ABCC9: variants seen among roughly 807,000 people sequenced by gnomAD.
ABCC9 encodes the protein ATP binding cassette subfamily C member 9, also known as ATP-binding cassette sub-family C member 9.
Under a neutral mutation model 188.3 loss-of-function variants are expected in ABCC9, and 95 were observed. The observed-to-expected ratio is 0.50, with a 90% CI of 0.43 to 0.60. The LOEUF is 0.60. Among genes scored for constraint, ABCC9 ranks in the 20% least tolerant of loss-of-function variants. The probability of loss-of-function intolerance (pLI) is 0.00; values close to 1 mark genes in which losing one functional copy is unlikely to be tolerated. For missense variants in ABCC9, 1,102 were observed against 1,876.3 expected (o/e 0.59, Z 7.62); for synonymous variants, 659 against 652.7 (o/e 1.01, Z -0.15).
intron 8 of ABCC9, 106 bp from the exon 9 acceptor site, chr12:21,911,084 C>G: frequency 5.4e-6 from 6 of 1,105,292 alleles, no homozygotes; most frequent in Non-Finnish European, 7.9e-6. Flanking sequence ...TACAAAAATT[C>G]AATGTATTTA....
intron 37 of ABCC9, 29 bp from the exon 38 acceptor site, chr12:21,807,508 A>T (rs1005698399): frequency 1.9e-6 from 3 of 1,613,544 alleles, no homozygotes; most frequent in Non-Finnish European, 2.5e-6. Context: ...CAAGGATTTC[A>T]CTAAAGAAAT....
chr12:21,844,602 C>A (rs200074647), intron 27 of ABCC9, 50 bp from the exon 28 acceptor site: 1 of 1,584,702 alleles, frequency 6.3e-7, no homozygotes, highest in East Asian at 2.2e-5. Flanking sequence ...CTATTTGGAA[C>A]CTGGGCATTG....
At chr12:21,828,833 A>G in intron 31 of ABCC9, 125 bp downstream of exon 31, 4 of 799,892 alleles carry the variant, frequency 5.0e-6, no homozygotes. Flanking sequence ...AGCTATTTTA[A>G]AGTCCAGAAA....
intron 30 of ABCC9, among the ~76,000 whole-genome samples, chr12:21,829,422 C>G (rs767508960): frequency 1.3e-5 from 2 of 151,944 alleles, no homozygotes; most frequent in African/African-American, 2.4e-5. Flanking sequence ...AGGATGGTCT[C>G]GATCTCCTGA....
chr12:21,899,679 G>A (rs980393554), intron 12 of ABCC9, among the ~76,000 whole-genome samples: 4 of 152,130 alleles, frequency 2.6e-5, no homozygotes, highest in Non-Finnish European at 2.9e-5. Context: ...CGCCTGGCTC[G>A]GAGGGTCCCA....
chr12:21,866,517 G>T (rs572559542), intron 18 of ABCC9, among the ~76,000 whole-genome samples: 1 of 152,092 alleles, frequency 6.6e-6, no homozygotes, highest in African/African-American at 2.4e-5. Flanking sequence ...ACTTCCTCTT[G>T]GTTTCCCCTG....
chr12:21,885,953 C>T (rs1006132896), intron 15 of ABCC9, among the ~76,000 whole-genome samples: 2 of 151,998 alleles, frequency 1.3e-5, no homozygotes, highest in African/African-American at 4.8e-5. Context: ...AGTCAGGAGA[C>T]TGATTGTGTT....
At chr12:21,903,854 C>T (rs1227150769) in intron 12 of ABCC9, among the ~76,000 whole-genome samples, 2 of 152,180 alleles carry the variant, frequency 1.3e-5, no homozygotes, top group East Asian at 3.8e-4. Flanking sequence ...GGGCATACTG[C>T]CCAAGGTAAT....
chr12:21,848,358 T>C, intron 24 of ABCC9, 112 bp from the exon 25 acceptor site: 1 of 907,744 alleles, frequency 1.1e-6, no homozygotes, highest in South Asian at 1.4e-5. Flanking sequence ...TCTCAAGCGC[T>C]CTGTGCTCAC....
intron 16 of ABCC9, 30 bp from the exon 17 acceptor site, chr12:21,875,756 A>G (rs373461625): frequency 2.6e-6 from 4 of 1,509,924 alleles, no homozygotes; most frequent in Non-Finnish European, 2.8e-6. Context: ...AAATTAAATT[A>G]TATGTGTGGT....
intron 3 of ABCC9, among the ~76,000 whole-genome samples, chr12:21,934,488 G>C (rs890793403): frequency 2.0e-5 from 3 of 152,018 alleles, no homozygotes; most frequent in African/African-American, 7.2e-5. Context: ...TTGATGATGA[G>C]CTTTTAAGCA....
At chr12:21,929,317 C>A (rs1174755549) in intron 4 of ABCC9, among the ~76,000 whole-genome samples, 1 of 151,234 alleles carries the variant, frequency 6.6e-6, no homozygotes, top group Admixed American at 6.6e-5. Context: ...AATAATAAAC[C>A]AATCAAATTA....
rs550364029 is a variant in ABCC9, at chr12:21,797,452, A to G, written c.*3592T>C. 1.3e-5 allele frequency: 2 copies of G among 152,244 alleles called. No homozygotes were observed. The highest frequency in any genetic ancestry group is 1.9e-4 in the East Asian group (1 of 5,200). The allele number at this position is 152,244 out of a possible 1,614,324, so 9.4% of individuals were successfully genotyped here. ...AGTCCAATATGTTTTTATATATTGT[A>G]GAGAATAAACACATTTATTGTAGAG... On this transcript the variant is annotated 3_prime_UTR_variant, in exon 40 of 40. Transcript: ENST00000261200.
rs113562970 is a variant in ABCC9, at chr12:21,913,031, A to T, written c.852T>A (p.Ser284=). 45 of 1,607,814 alleles carry T rather than the reference A, an allele frequency of 2.8e-5. No homozygotes were observed. In the African/African-American group the frequency reaches 4.8e-4, roughly 17 times the overall value. The change falls in exon 8 of 40, where the codon TCT becomes TCA. Residue 284 remains serine (S), a synonymous_variant. Transcript: ENST00000261200. ...KVADHPNRTP[S]IWLAMYRAFG... ...AAGCTCTGTACATTGCAAGCCATAT[A>T]GATGGAGTCCGATTTGGATGATCTG...
intron 5 of ABCC9, among the ~76,000 whole-genome samples, chr12:21,920,192 C>T (rs936754568): frequency 9.2e-5 from 14 of 151,976 alleles, no homozygotes; most frequent in Admixed American, 2.6e-4. Context: ...GAGAGGATTT[C>T]AGTCTTATGT....
At chr12:21,903,755 A>C (rs1176830928) in intron 12 of ABCC9, among the ~76,000 whole-genome samples, 1 of 152,244 alleles carries the variant, frequency 6.6e-6, no homozygotes, top group Non-Finnish European at 1.5e-5. Flanking sequence ...GGAGAACTAC[A>C]AACCACTGCT....
At chr12:21,875,815 T>G (rs1946312892) in intron 16 of ABCC9, 89 bp from the exon 17 acceptor site, 1 of 1,071,954 alleles carries the variant, frequency 9.3e-7, no homozygotes, top group African/African-American at 1.6e-5. Context: ...CCAGGCGCAG[T>G]GGCTCATGCC....
At chr12:21,880,664 A>G (rs1421926975) in intron 16 of ABCC9, among the ~76,000 whole-genome samples, 1 of 152,154 alleles carries the variant, frequency 6.6e-6, no homozygotes, top group Non-Finnish European at 1.5e-5. Flanking sequence ...AAACCACAGC[A>G]AGATACAGTT....
chr12:21,913,785 G>C (rs1314982557), intron 7 of ABCC9, among the ~76,000 whole-genome samples: 2 of 152,070 alleles, frequency 1.3e-5, no homozygotes, highest in Non-Finnish European at 2.9e-5. Flanking sequence ...TAAAATTTAG[G>C]GAGGAGGTAG....
Sources: gnomAD v4.1 joint callset for allele counts (sites outside exome capture counted in the v4.1 genomes callset) on GRCh38, gnomAD v4.1.1 for gene constraint, MANE v1.5 for transcripts, NCBI Gene and HGNC (gene_info 2026-07-23, HGNC 2026-07-21) for gene names.